The following CPNE4 variants were observed in gnomAD, a reference collection of about 807,000 sequenced individuals.
CPNE4 encodes the protein copine 4.
In CPNE4, 25 loss-of-function variants were observed where a neutral mutation model predicts 67.9. The observed-to-expected ratio is 0.37, with a 90% CI of 0.27 to 0.51. The LOEUF (loss-of-function observed/expected upper bound fraction) is 0.51, where lower values mean the gene tolerates loss of function less well. CPNE4 is among the 20% of genes least tolerant of loss of function. The pLI is 0.93. For missense variants in CPNE4, 464 were observed against 690.8 expected (o/e 0.67, Z 3.68); for synonymous variants, 242 against 244.9 (o/e 0.99, Z 0.11).
intron 2 of CPNE4, among the ~76,000 whole-genome samples, chr3:131,850,836 A>G (rs1322828348): frequency 1.3e-5 from 2 of 152,114 alleles, no homozygotes. Flanking sequence ...GATCCAAATC[A>G]TACATCTAGT....
rs375379952 is a variant in CPNE4 at position 131,782,017 on chromosome 3, C to T, written c.181-58392G>A. ...GAGTGAGTGAATGAATGAATGAGAACGTGAGAATATGAGATAATTAATAAG... is the reference window on the plus strand; with the variant it reads ...GAGTGAGTGAATGAATGAATGAGAATGTGAGAATATGAGATAATTAATAAG... On this transcript the variant is annotated intron_variant, in intron 2 of 15. Coordinates refer to ENST00000429747, the MANE Select transcript of CPNE4 (RefSeq NM_130808.3). Among the ~76,000 whole-genome samples the T allele has an allele frequency of 2.1e-4, 32 of 152,068 alleles. No homozygotes were observed. In the South Asian group the frequency reaches 6.2e-3, roughly 30 times the overall value.
chr3:131,823,034 T>G (rs957461176), intron 2 of CPNE4, among the ~76,000 whole-genome samples: 3 of 152,192 alleles, frequency 2.0e-5, no homozygotes, highest in Admixed American at 2.0e-4. Flanking sequence ...AGAGACAGGG[T>G]TTCACCGTGT....
At chr3:131,556,969 T>C (rs2107653436) in intron 11 of CPNE4, among the ~76,000 whole-genome samples, 1 of 152,232 alleles carries the variant, frequency 6.6e-6, no homozygotes, top group Middle Eastern at 3.4e-3. Flanking sequence ...TACAGGTAAA[T>C]AGAGCCTCAG....
intron 2 of CPNE4, among the ~76,000 whole-genome samples, chr3:131,739,328 A>G (rs1560214421): frequency 1.3e-5 from 2 of 152,168 alleles, no homozygotes; most frequent in Non-Finnish European, 2.9e-5. Flanking sequence ...TAAACTGTCA[A>G]TCCTACACCT....
chr3:131,633,223 C>T (rs1460719007), intron 7 of CPNE4, among the ~76,000 whole-genome samples: 1 of 152,206 alleles, frequency 6.6e-6, no homozygotes, highest in Non-Finnish European at 1.5e-5. Flanking sequence ...CTAGTCCATT[C>T]TACCATCATT....
intron 3 of CPNE4, among the ~76,000 whole-genome samples, chr3:131,709,139 T>C (rs946821370): frequency 6.6e-6 from 1 of 151,840 alleles, no homozygotes; most frequent in Non-Finnish European, 1.5e-5. Flanking sequence ...TGGTAGGCTT[T>C]TTATTAGTTA....
intron 2 of CPNE4, among the ~76,000 whole-genome samples, chr3:131,896,526 G>A (rs1298103457): frequency 6.6e-6 from 1 of 152,064 alleles, no homozygotes; most frequent in African/African-American, 2.4e-5. Context: ...AAATATGTAT[G>A]TAAAGAGTAA....
intron 1 of CPNE4, among the ~76,000 whole-genome samples, chr3:131,976,799 CT>C (rs554656660): frequency 0.079 from 11,588 of 146,068 alleles, 560 homozygotes; most frequent in Non-Finnish European, 0.11. Context: ...CATTATCATT[CT>C]TTTTTTTTTT....
intron 6 of CPNE4, among the ~76,000 whole-genome samples, chr3:131,672,017 A>G (rs1430215554): frequency 2.6e-5 from 4 of 151,932 alleles, no homozygotes; most frequent in African/African-American, 9.7e-5. Context: ...TATCTCCATG[A>G]GTTCAGTTGT....
In CPNE4 at chr3:131,617,999, C is replaced by A. The variant is rs181623085; in HGVS notation, c.682-30417G>T. ...GATACTGTGCTAAATGCTGAAGACA[C>A]ACAGATAACAAGATGTGGTACCTGT... On this transcript the variant is annotated intron_variant, in intron 7 of 15. Coordinates refer to ENST00000429747, the MANE Select transcript of CPNE4 (RefSeq NM_130808.3). 1.3e-4 allele frequency among the ~76,000 whole-genome samples: 20 copies of A among 152,288 alleles called. No homozygotes were observed. The East Asian group carries it at 3.9e-3, about 29-fold the overall frequency.
At chr3:131,996,024 A>T (rs1280945430) in intron 1 of CPNE4, among the ~76,000 whole-genome samples, 3 of 152,188 alleles carry the variant, frequency 2.0e-5, no homozygotes, top group Admixed American at 2.0e-4. Context: ...ATTCCTGTGC[A>T]ATATCTGACA....
intron 8 of CPNE4, 147 bp downstream of exon 8, chr3:131,587,337 A>G: frequency 1.6e-6 from 1 of 617,636 alleles, no homozygotes; most frequent in Admixed American, 2.7e-5. Flanking sequence ...TAGTTCTAGA[A>G]TCTAGATACT....
At chr3:131,937,347 C>T (rs144514375) in intron 1 of CPNE4, among the ~76,000 whole-genome samples, 30 of 152,232 alleles carry the variant, frequency 2.0e-4, no homozygotes, top group African/African-American at 6.7e-4. Flanking sequence ...AAATTCTCCA[C>T]TGAAATACAA....
At chr3:131,882,593 T>C (rs1187982686) in intron 2 of CPNE4, among the ~76,000 whole-genome samples, 1 of 143,744 alleles carries the variant, frequency 7.0e-6, no homozygotes, top group Non-Finnish European at 1.6e-5. Flanking sequence ...ATAATATTGA[T>C]GCCTAACAGC....
intron 1 of CPNE4, among the ~76,000 whole-genome samples, chr3:131,960,585 T>C (rs1160489162): frequency 2.6e-5 from 4 of 152,178 alleles, no homozygotes; most frequent in Admixed American, 2.6e-4. Flanking sequence ...GTTCTATAGA[T>C]AAGAACTTGA....
chr3:131,967,623 A>G lies in CPNE4; in HGVS notation c.-1-62179T>C, dbSNP rs145981620. 1.3e-3 allele frequency among the ~76,000 whole-genome samples: 204 copies of G among 152,332 alleles called. 1 individual carries two copies. In the East Asian group the frequency reaches 0.027, roughly 20 times the overall value. ...AATCATGAGTGAACTCCCATTCACA[A>G]TTGCTACAAATAAAATAAAATACCT... On this transcript the variant is annotated intron_variant, in intron 1 of 15. Coordinates refer to ENST00000429747, the MANE Select transcript of CPNE4 (RefSeq NM_130808.3).
intron 6 of CPNE4, among the ~76,000 whole-genome samples, chr3:131,671,767 T>C (rs2080424637): frequency 6.6e-6 from 1 of 152,136 alleles, no homozygotes; most frequent in African/African-American, 2.4e-5. Context: ...ATCCTTTCAA[T>C]TTTTTATTTT....
chr3:131,697,359 T>C (rs1321439301), intron 4 of CPNE4, among the ~76,000 whole-genome samples: 8 of 152,200 alleles, frequency 5.3e-5, no homozygotes, highest in Non-Finnish European at 1.2e-4. Context: ...TTAAAACCTT[T>C]ATAAATAATG....
intron 2 of CPNE4, among the ~76,000 whole-genome samples, chr3:131,853,673 A>T (rs967067690): frequency 6.6e-6 from 1 of 151,976 alleles, no homozygotes; most frequent in Non-Finnish European, 1.5e-5. Context: ...TATTCATAGC[A>T]TAGGAAGAAC....
Sources: gnomAD v4.1 joint callset for allele counts (sites outside exome capture counted in the v4.1 genomes callset) on GRCh38, gnomAD v4.1.1 for gene constraint, MANE v1.5 for transcripts, NCBI Gene and HGNC (gene_info 2026-07-23, HGNC 2026-07-21) for gene names.